The following KATNB1 variants were observed in gnomAD, a reference collection of about 807,000 sequenced individuals.
KATNB1 encodes katanin p80 WD40 repeat-containing subunit B1.
A neutral mutation model predicts 82.3 loss-of-function variants in KATNB1; 38 were observed. The ratio of observed to expected loss-of-function variants is 0.46; its 90% CI spans 0.36 to 0.61. KATNB1 has a LOEUF of 0.61. KATNB1 is among the 20% of genes least tolerant of loss of function. The pLI is 0.00. For synonymous variants in KATNB1, 361 were observed against 368.7 expected (o/e 0.98, Z 0.24); for missense variants, 749 against 915.7 (o/e 0.82, Z 2.35).
At position 57,755,196 on chromosome 16, in the gene KATNB1, C is replaced by G; in HGVS notation, c.1374C>G (p.Thr458=). The change falls in exon 15 of 20, where the codon ACC becomes ACG. Residue 458 remains threonine, a synonymous_variant. Transcript: ENST00000379661. The part of the protein sequence containing the change: ...PKAEPAIIPA[T]RNEPIGLKAS... ...CTGAGCCTGCCATCATCCCTGCCAC[C>G]CGGAACGAGCCCATCGGGCTGAAGG... The G allele has an allele frequency of 1.2e-6, 2 of 1,612,100 alleles. No individual in the cohort carries two copies. The highest frequency in any genetic ancestry group is 1.7e-6 in the Non-Finnish European group (2 of 1,179,978).
chr16:57,756,643 T>A, intron 19 of KATNB1, 171 bp downstream of exon 19: 1 of 1,259,546 alleles, frequency 7.9e-7, no homozygotes, highest in Non-Finnish European at 1.1e-6. Flanking sequence ...GCTGGGTTCC[T>A]CCATGGCCTG....
chr16:57,750,919 A>C lies in KATNB1; in HGVS notation c.382A>C (p.Asn128His), dbSNP rs782531065. ...EFVASGSQDT[N>H]IKLWDIRRKG... ...TGTAGCCTCTGGTTCCCAGGACACA[A>C]ACATCAAGGTGAGAGGCCGGTCCGT... The change falls in exon 5 of 20, where the codon AAC becomes CAC. Residue 128 changes from asparagine to histidine, a missense_variant. Physicochemically the swap from Asn to His is moderately conservative, Grantham distance 68. Around this residue, in one of 3 missense-constraint regions of KATNB1, gnomAD observed 247 missense variants for 349.4 expected, o/e 0.71. Transcript: ENST00000379661. The C allele has an allele frequency of 6.2e-7, 1 of 1,613,540 alleles. No individual in the cohort carries two copies. The highest frequency in any genetic ancestry group is 2.2e-5 in the East Asian group (1 of 44,862).
At chr16:57,738,702 G>A (rs1264111284) in intron 2 of KATNB1, among the ~76,000 whole-genome samples, 1 of 152,214 alleles carries the variant, frequency 6.6e-6, no homozygotes, top group African/African-American at 2.4e-5. Flanking sequence ...GGAGAACCCT[G>A]TTATGGTTCC....
At chr16:57,756,598 G>A (rs1476844890) in intron 19 of KATNB1, 126 bp downstream of exon 19, 5 of 1,176,572 alleles carry the variant, frequency 4.2e-6, no homozygotes, top group African/African-American at 1.5e-5. Context: ...GTTGGTCTGG[G>A]GCCATGGCTC....
In KATNB1 at chr16:57,754,989, G is replaced by A. The variant is rs2049263702; in HGVS notation, c.1288G>A (p.Val430Met). Residue 430 changes from valine to methionine, a missense_variant, in exon 14 of 20, where the codon GTG (valine) becomes ATG (methionine). By Grantham distance (21) the Val-to-Met change is conservative. Around this residue, in one of 3 missense-constraint regions of KATNB1, gnomAD observed 407 missense variants for 434.7 expected, o/e 0.94. Transcript: ENST00000379661. The stretch of plus-strand genomic sequence containing the variant: ...CCCTGCCATGGATGTGCAGTTCCCG[G>A]TGCCAAATGTATGTCCATGGAGGGA... ...PSPAMDVQFP[V>M]PNLEVLPRPP... 1.2e-6 allele frequency: 2 copies of A among 1,613,956 alleles called. No individual in the cohort carries two copies. The highest frequency in any genetic ancestry group is 1.3e-5 in the African/African-American group (1 of 74,952).
At chr16:57,743,842 T>C (rs1252838401) in intron 3 of KATNB1, among the ~76,000 whole-genome samples, 3 of 152,230 alleles carry the variant, frequency 2.0e-5, no homozygotes, top group African/African-American at 7.2e-5. Context: ...AGATAGAGGA[T>C]CCACAGTGAA....
chr16:57,748,473 A>ATTTT (rs1567899436), intron 4 of KATNB1, among the ~76,000 whole-genome samples: 1 of 150,498 alleles, frequency 6.6e-6, no homozygotes, highest in Admixed American at 6.6e-5. Context: ...TTTTTTAAAA[A>ATTTT]AAAAAAAAAA....
chr16:57,739,972 C>T (rs1328336824), intron 2 of KATNB1, among the ~76,000 whole-genome samples: 4 of 152,170 alleles, frequency 2.6e-5, no homozygotes, highest in Admixed American at 1.3e-4. Flanking sequence ...CAGAGCCCTC[C>T]AGGTAGGCCA....
chr16:57,742,904 C>G (rs1387660181), intron 3 of KATNB1, among the ~76,000 whole-genome samples: 1 of 152,240 alleles, frequency 6.6e-6, no homozygotes, highest in East Asian at 1.9e-4. Context: ...ACATTCTCAC[C>G]AGCAGCATCG....
rs188027633 is a variant in KATNB1 at position 57,738,720 on chromosome 16, A to G, written c.40+1437A>G. On this transcript the variant is annotated intron_variant, in intron 2 of 19. Coordinates refer to ENST00000379661, the MANE Select transcript of KATNB1 (RefSeq NM_005886.3). ...GAACCCTGTTATGGTTCCCCAAGGA[A>G]GGCACACTTTGGTCAGAGTGGCTTT... 2.5e-3 allele frequency among the ~76,000 whole-genome samples: 383 copies of G among 152,312 alleles called. 9 individuals carry two copies. The South Asian group carries it at 0.039, about 16-fold the overall frequency.
chr16:57,743,658 C>T (rs2049159816), intron 3 of KATNB1, among the ~76,000 whole-genome samples: 1 of 152,226 alleles, frequency 6.6e-6, no homozygotes, highest in Admixed American at 6.5e-5. Context: ...GGCCTCACCC[C>T]GGGCCCCTGC....
chr16:57,753,722 C>T (rs1374619579), intron 12 of KATNB1, among the ~76,000 whole-genome samples: 2 of 152,044 alleles, frequency 1.3e-5, no homozygotes, highest in African/African-American at 4.8e-5. Flanking sequence ...GGGCACTCCC[C>T]AGCAGCGGCC....
chr16:57,738,896 C>T (rs2049123003), intron 2 of KATNB1, among the ~76,000 whole-genome samples: 2 of 150,200 alleles, frequency 1.3e-5, no homozygotes, highest in Non-Finnish European at 1.5e-5. Context: ...ACTGGATAAC[C>T]GTATCCCTCT....
At chr16:57,747,933 G>A (rs921161835) in intron 4 of KATNB1, among the ~76,000 whole-genome samples, 2 of 152,240 alleles carry the variant, frequency 1.3e-5, no homozygotes, top group Non-Finnish European at 2.9e-5. Flanking sequence ...GACGGCCAGG[G>A]CTGGCTGCTC....
rs11648001 is a variant in KATNB1, at chr16:57,750,937, C to G, written c.390+10C>G. On this transcript the variant is annotated intron_variant, in intron 5 of 19. Coordinates refer to ENST00000379661, the MANE Select transcript of KATNB1 (RefSeq NM_005886.3). Reference sequence around the variant, plus strand: ...GGACACAAACATCAAGGTGAGAGGCCGGTCCGTGCCCCGTGTCTCCTGCTG... The same window carrying G: ...GGACACAAACATCAAGGTGAGAGGCGGGTCCGTGCCCCGTGTCTCCTGCTG... 2.5e-6 allele frequency: 4 copies of G among 1,606,396 alleles called. No homozygotes were observed. The African/African-American group carries it at 5.4e-5, about 21-fold the overall frequency.
In KATNB1 at chr16:57,754,013, G is replaced by A. The variant is rs781798203; in HGVS notation, c.1228+18G>A. On this transcript the variant is annotated intron_variant, in intron 13 of 19. Transcript: ENST00000379661. ...AGAGGACGGTGAGTTGGGTGAGCCT[G>A]GTTTCCCAAGGTCTCTGATGCCCCC... 3.1e-5 allele frequency: 50 copies of A among 1,609,488 alleles called. No homozygotes were observed. Among genetic ancestry groups the A allele is most frequent in the Non-Finnish European group, 4.0e-5 (47 of 1,176,726 alleles).
chr16:57,745,716 T>A (rs1208818877), intron 4 of KATNB1, among the ~76,000 whole-genome samples: 1 of 152,192 alleles, frequency 6.6e-6, no homozygotes, highest in Admixed American at 6.5e-5. Context: ...GTGTTTATAA[T>A]GTAAGGACGC....
chr16:57,751,754 G>A lies in KATNB1; in HGVS notation c.516+30G>A. The A allele has an allele frequency of 6.3e-7, 1 of 1,594,074 alleles. No homozygotes were observed. Among genetic ancestry groups the A allele is most frequent in the South Asian group, 1.1e-5 (1 of 90,774 alleles). On this transcript the variant is annotated intron_variant, in intron 7 of 19. Transcript: ENST00000379661. The surrounding 1 kb of genome is among the most constrained non-coding windows in gnomAD (Gnocchi z 6.3). ...CTCCCGGCCTGACCTGGGCCCAGGG[G>A]CTGGGGGCTGGGGTCTGCTGATCAC... is the stretch of plus-strand genomic sequence containing the variant.
chr16:57,737,603 G>A (rs1224043787), intron 2 of KATNB1, among the ~76,000 whole-genome samples: 1 of 152,212 alleles, frequency 6.6e-6, no homozygotes, highest in Non-Finnish European at 1.5e-5. Context: ...CAGTTAGGCT[G>A]ACAGTGGGGT....
Sources: allele counts gnomAD v4.1 joint callset (sites outside exome capture counted in the v4.1 genomes callset), GRCh38; gene constraint gnomAD v4.1.1; regional missense constraint gnomAD v4.1.1; non-coding constraint Gnocchi (gnomAD v3.1); transcripts MANE v1.5; gene names NCBI Gene and HGNC (gene_info 2026-07-23, HGNC 2026-07-21).